UNG: variants seen among roughly 807,000 people sequenced by gnomAD.
UNG encodes uracil-DNA glycosylase.
In UNG, 34 loss-of-function variants were observed where a neutral mutation model predicts 36.5. The observed-to-expected ratio is 0.93, with a 90% confidence interval of 0.71 to 1.24. The LOEUF (loss-of-function observed/expected upper bound fraction) is 1.24, where lower values mean the gene tolerates loss of function less well. Ranked by LOEUF, UNG falls within the 50% of genes most tolerant of loss-of-function variation. The pLI is 0.00. For missense variants in UNG, 391 were observed against 397.6 expected, an observed-to-expected ratio of 0.98 and a Z score of 0.14; for synonymous variants, 172 against 157.8, an observed-to-expected ratio of 1.09 and a Z score of -0.67.
chr12:109,099,021 G>A (rs531673622), intron 2 of UNG, among the ~76,000 whole-genome samples, 168 bp from the exon 3 acceptor site: 1 of 152,282 alleles, frequency 6.6e-6, no homozygotes, highest in African/African-American at 2.4e-5. Context: ...GAACCACTTA[G>A]GTGGGGGGGC....
intron 3 of UNG, 68 bp downstream of exon 3, chr12:109,099,352 A>G (rs924182368): frequency 3.0e-6 from 4 of 1,345,468 alleles, no homozygotes; most frequent in Non-Finnish European, 3.2e-6. Context: ...AATTAGGGAC[A>G]CTGGAGTTAA....
At chr12:109,106,378 A>AC in intron 6 of UNG, among the ~76,000 whole-genome samples, 1 of 151,906 alleles carries the variant, frequency 6.6e-6, no homozygotes, top group African/African-American at 2.4e-5. Context: ...TTTAGTCCTC[A>AC]CCCCTCATCG....
chr12:109,110,417 T>G lies in UNG; in HGVS notation c.*448T>G, dbSNP rs1422709766. The G allele has an allele frequency of 4.6e-6, 1 of 216,076 alleles. No homozygotes were observed. The highest frequency in any genetic ancestry group is 2.3e-5 in the African/African-American group (1 of 44,128). The allele number at this position is 216,076 out of a possible 1,614,324, so 13.4% of individuals were successfully genotyped here. ...CAGCCTTGCAGGGCAGGCATGCCAG[T>G]CTCTGCCAGTTCCACTGCCCCCTTG... On this transcript the variant is annotated 3_prime_UTR_variant, in exon 7 of 7. Coordinates refer to ENST00000242576, the MANE Select transcript of UNG (RefSeq NM_080911.3).
chr12:109,098,868 C>T (rs769645586), intron 2 of UNG, among the ~76,000 whole-genome samples: 4 of 152,158 alleles, frequency 2.6e-5, no homozygotes, highest in Non-Finnish European at 4.4e-5. Context: ...TCATTTAAGT[C>T]ACATAGTCTA....
chr12:109,099,176 A>G lies in UNG; in HGVS notation c.340-13A>G. 2 of 1,608,416 alleles carry G rather than the reference A, an allele frequency of 1.2e-6. No individual in the cohort carries two copies. Among genetic ancestry groups the G allele is most frequent in the Admixed American group, 1.7e-5 (1 of 60,016 alleles). On this transcript the variant is annotated splice_polypyrimidine_tract_variant and intron_variant, in intron 2 of 6. Transcript: ENST00000242576. ...GAGAATCTGATTTTAAGTCTAGTTT[A>G]TCTTTAAATCAGCTAATGGGATTTG...
intron 6 of UNG, among the ~76,000 whole-genome samples, chr12:109,105,489 A>G (rs2042209203): frequency 6.6e-6 from 1 of 152,218 alleles, no homozygotes; most frequent in Non-Finnish European, 1.5e-5. Context: ...TTAAAGCCAA[A>G]TTGCATATCT....
intron 6 of UNG, among the ~76,000 whole-genome samples, chr12:109,108,396 G>A (rs2042233750): frequency 6.6e-6 from 1 of 152,106 alleles, no homozygotes; most frequent in Non-Finnish European, 1.5e-5. Flanking sequence ...CACTTTGAGA[G>A]GCCAGGGTGG....
chr12:109,099,546 C>T (rs994740012), intron 3 of UNG, among the ~76,000 whole-genome samples: 3 of 152,112 alleles, frequency 2.0e-5, no homozygotes, highest in African/African-American at 7.2e-5. Flanking sequence ...ACTAACCTCC[C>T]GCGGTGTCAG....
intron 3 of UNG, among the ~76,000 whole-genome samples, chr12:109,101,294 T>C (rs1461037816): frequency 6.6e-6 from 1 of 151,760 alleles, no homozygotes; most frequent in Non-Finnish European, 1.5e-5. Flanking sequence ...GGTTTCACCA[T>C]GTTGGCCAGA....
intron 6 of UNG, 114 bp from the exon 7 acceptor site, chr12:109,109,715 G>A (rs1216692654): frequency 1.1e-5 from 15 of 1,335,508 alleles, no homozygotes; most frequent in South Asian, 5.0e-5. Flanking sequence ...CCCGGGAGGC[G>A]GAGGTTGCAG....
In UNG at chr12:109,109,814, C is replaced by T; in HGVS notation, c.802-15C>T. 1.9e-6 allele frequency: 3 copies of T among 1,605,576 alleles called. No individual in the cohort carries two copies. Among genetic ancestry groups the T allele is most frequent in the Non-Finnish European group, 1.7e-6 (2 of 1,175,192 alleles). Reference sequence around the variant, plus strand: ...AGTCCCAAATCTGCCACCATTTATTCTTGATCTTTTTCAGAAGCGGCACCA... The same window carrying T: ...AGTCCCAAATCTGCCACCATTTATTTTTGATCTTTTTCAGAAGCGGCACCA... On this transcript the variant is annotated splice_polypyrimidine_tract_variant and intron_variant, in intron 6 of 6. Transcript: ENST00000242576.
intron 3 of UNG, among the ~76,000 whole-genome samples, chr12:109,100,595 C>G (rs1344110174): frequency 6.6e-6 from 1 of 152,100 alleles, no homozygotes; most frequent in Non-Finnish European, 1.5e-5. Context: ...TTTGAATGCC[C>G]TATTCTGAAT....
rs3219256 is a variant in UNG at position 109,106,122 on chromosome 12, G to A, written c.801+2511G>A. The stretch of plus-strand genomic sequence containing the variant: ...ATTTACAGGGGCCTGTGCTGCTTGC[G>A]TGTGTGTTCAGCATTTGGTGTGCAT... On this transcript the variant is annotated intron_variant, in intron 6 of 6. Transcript: ENST00000242576. 7.3e-3 allele frequency among the ~76,000 whole-genome samples: 1,112 copies of A among 152,296 alleles called. 22 individuals carry two copies. The highest frequency in any genetic ancestry group is 0.03 in the East Asian group (157 of 5,190).
At chr12:109,098,170 C>G in intron 1 of UNG, 1 of 1,412,532 alleles carries the variant, frequency 7.1e-7, no homozygotes, top group Non-Finnish European at 9.2e-7. Context: ...CGGGGCACCT[C>G]TGTGCAGGGT....
intron 6 of UNG, among the ~76,000 whole-genome samples, chr12:109,106,876 C>CAT (rs1250017403): frequency 0.018 from 34 of 1,924 alleles, no homozygotes; most frequent in South Asian, 0.12. Context: ...AAAAAAAAAA[C>CAT]ATATATATAT....
chr12:109,099,058 T>A (rs2042157032), intron 2 of UNG, 131 bp from the exon 3 acceptor site: 2 of 958,270 alleles, frequency 2.1e-6, no homozygotes, highest in Admixed American at 4.3e-5. Context: ...TGTTGTTTTT[T>A]AAAAGAATTT....
chr12:109,109,134 G>A (rs139040612), intron 6 of UNG, among the ~76,000 whole-genome samples: 2 of 152,260 alleles, frequency 1.3e-5, no homozygotes, highest in East Asian at 3.9e-4. Context: ...TTTCTACTTA[G>A]GATGGGTTTT....
chr12:109,097,717 C>A lies in UNG; in HGVS notation c.38C>A (p.Pro13His). ...AAGACGCTCTACTCCTTTTTCTCCC[C>A]CAGCCCCGCCAGGAAGCGACACGCC... ...GQKTLYSFFS[P>H]SPARKRHAPS... Residue 13 changes from proline to histidine, a missense_variant, in exon 1 of 7, where the codon CCC becomes CAC. Coordinates refer to ENST00000242576, the MANE Select transcript of UNG (RefSeq NM_080911.3). 1.3e-6 allele frequency: 2 copies of A among 1,593,758 alleles called. No individual in the cohort carries two copies. Among genetic ancestry groups the A allele is most frequent in the East Asian group, 2.3e-5 (1 of 43,362 alleles).
At position 109,101,902 on chromosome 12, in the gene UNG, G is replaced by A; in HGVS notation, c.436G>A (p.Val146Met). ...TWTQMCDIKD[V>M]KVVILGQDPY... ...ATTCCTGACCCCTGGTGGTTCACAG[G>A]TGAAGGTTGTCATCCTGGGACAGGA... The change falls in exon 4 of 7, where the codon GTG (valine) becomes ATG (methionine). Residue 146 changes from valine to methionine, a missense_variant and splice_region_variant. By Grantham distance (21) the Val-to-Met change is conservative. Transcript: ENST00000242576. 7 of 1,613,872 alleles carry A rather than the reference G, an allele frequency of 4.3e-6. No homozygotes were observed. Among genetic ancestry groups the A allele is most frequent in the Non-Finnish European group, 5.9e-6 (7 of 1,179,884 alleles).
Sources: gnomAD v4.1 joint callset for allele counts (sites outside exome capture counted in the v4.1 genomes callset) on GRCh38, gnomAD v4.1.1 for gene constraint, MANE v1.5 for transcripts, NCBI Gene and HGNC (gene_info 2026-07-23, HGNC 2026-07-21) for gene names.